The following OSBPL8 variants were observed in gnomAD, a reference collection of about 807,000 sequenced individuals.
OSBPL8 encodes oxysterol-binding protein-related protein 8.
OSBPL8 carries 59 observed loss-of-function variants against 125.5 expected under a neutral mutation model. The observed-to-expected ratio is 0.47, with a 90% confidence interval of 0.38 to 0.58. OSBPL8 has a LOEUF of 0.58. Among genes scored for constraint, OSBPL8 ranks in the 20% least tolerant of loss-of-function variants. The pLI is 0.00. For synonymous variants in OSBPL8, 330 were observed against 338.9 expected (o/e 0.97, Z 0.29); for missense variants, 758 against 1,047.8 (o/e 0.72, Z 3.82).
Position 76,446,600 on chromosome 12 carries a change from A to G in OSBPL8, c.217+4251T>C, listed in dbSNP as rs182950142. ...AAAGAAGTTCTAAATGAGCCTCTAA[A>G]AGATACTGAAGTATAGCAAAGCCTA... On this transcript the variant is annotated intron_variant, in intron 4 of 23. Transcript: ENST00000261183. 3.1e-3 allele frequency among the ~76,000 whole-genome samples: 474 copies of G among 152,322 alleles called. 2 individuals carry two copies. Among genetic ancestry groups the G allele is most frequent in the Middle Eastern group, 0.017 (5 of 294 alleles).
At chr12:76,471,662 C>T (rs1394894220) in intron 2 of OSBPL8, among the ~76,000 whole-genome samples, 1 of 152,182 alleles carries the variant, frequency 6.6e-6, no homozygotes, top group Non-Finnish European at 1.5e-5. Context: ...CTCCCACAGC[C>T]TACCAAAATT....
In OSBPL8 at chr12:76,527,484, G is replaced by C. The variant is rs141659511; in HGVS notation, c.-68+31913C>G. 5.4e-3 allele frequency among the ~76,000 whole-genome samples: 823 copies of C among 152,284 alleles called. 5 individuals carry two copies. The highest frequency in any genetic ancestry group is 0.02 in the Middle Eastern group (6 of 294). On this transcript the variant is annotated intron_variant, in intron 1 of 23. Coordinates refer to ENST00000261183, the MANE Select transcript of OSBPL8 (RefSeq NM_020841.5). ...TATATCTCCAATCTTTTGATGGAAAGCCTTATCATCGAGTATAAATCTGTC... is the reference window on the plus strand; with the variant it reads ...TATATCTCCAATCTTTTGATGGAAACCCTTATCATCGAGTATAAATCTGTC...
intron 12 of OSBPL8, among the ~76,000 whole-genome samples, chr12:76,387,010 T>C (rs1953342193): frequency 6.6e-6 from 1 of 152,146 alleles, no homozygotes; most frequent in African/African-American, 2.4e-5. Context: ...TAAACATGGA[T>C]TTTGGATTCA....
chr12:76,361,770 T>C (rs1353832989), intron 21 of OSBPL8, among the ~76,000 whole-genome samples: 1 of 152,164 alleles, frequency 6.6e-6, no homozygotes, highest in East Asian at 1.9e-4. Flanking sequence ...ATGAGACTTA[T>C]TCACTACCAT....
At chr12:76,408,999 T>TAAA (rs201077823) in intron 5 of OSBPL8, among the ~76,000 whole-genome samples, 1 of 148,608 alleles carries the variant, frequency 6.7e-6, no homozygotes, top group African/African-American at 2.5e-5. Context: ...ATCTTTTTTT[T>TAAA]AAAAAAAAAA....
chr12:76,415,311 G>A (rs1254313090), intron 4 of OSBPL8, among the ~76,000 whole-genome samples: 2 of 150,206 alleles, frequency 1.3e-5, no homozygotes, highest in South Asian at 2.1e-4. Context: ...GCAGTGGCAC[G>A]ATCTCGGCTC....
chr12:76,392,995 T>C (rs1292795842), intron 9 of OSBPL8, among the ~76,000 whole-genome samples: 4 of 152,198 alleles, frequency 2.6e-5, no homozygotes, highest in Non-Finnish European at 5.9e-5. Flanking sequence ...CAATCTAAAA[T>C]AAACATACTT....
chr12:76,405,071 G>C (rs1954200875), intron 5 of OSBPL8, among the ~76,000 whole-genome samples: 1 of 152,114 alleles, frequency 6.6e-6, no homozygotes, highest in Non-Finnish European at 1.5e-5. Context: ...CTAATTCCCA[G>C]CTTCATGTTC....
At chr12:76,367,617 A>G (rs936171895) in intron 21 of OSBPL8, among the ~76,000 whole-genome samples, 6 of 152,132 alleles carry the variant, frequency 3.9e-5, no homozygotes, top group African/African-American at 1.4e-4. Flanking sequence ...TACGTCATAT[A>G]CGTTTTTTGT....
At chr12:76,358,218 C>T in intron 22 of OSBPL8, among the ~76,000 whole-genome samples, 1 of 116,258 alleles carries the variant, frequency 8.6e-6, no homozygotes, top group African/African-American at 3.2e-5. Flanking sequence ...CTCACTTTGT[C>T]ACCCAGGCTG....
chr12:76,380,766 G>C (rs1303606718), intron 15 of OSBPL8, among the ~76,000 whole-genome samples: 1 of 151,980 alleles, frequency 6.6e-6, no homozygotes, highest in African/African-American at 2.4e-5. Flanking sequence ...CATTGGCTAG[G>C]ACCTCTAATA....
chr12:76,500,562 A>G (rs1879797785), intron 1 of OSBPL8, among the ~76,000 whole-genome samples: 1 of 152,124 alleles, frequency 6.6e-6, no homozygotes, highest in African/African-American at 2.4e-5. Flanking sequence ...TCCCTATAAG[A>G]TTATATTTTT....
chr12:76,499,347 T>TATCA (rs778001095), intron 1 of OSBPL8, among the ~76,000 whole-genome samples: 1 of 107,700 alleles, frequency 9.3e-6, no homozygotes, highest in Non-Finnish European at 2.1e-5. Flanking sequence ...TCTATCTATC[T>TATCA]ATCATCTATC....
intron 17 of OSBPL8, among the ~76,000 whole-genome samples, chr12:76,374,017 T>C (rs1489260892): frequency 6.6e-6 from 1 of 152,184 alleles, no homozygotes; most frequent in Admixed American, 6.6e-5. Context: ...TCATTCATCA[T>C]GATCTTCAAA....
intron 1 of OSBPL8, among the ~76,000 whole-genome samples, chr12:76,535,760 A>C (rs1476505785): frequency 6.6e-6 from 1 of 152,244 alleles, no homozygotes; most frequent in Non-Finnish European, 1.5e-5. Flanking sequence ...ATGCAGGGCA[A>C]AATAAACCAG....
At chr12:76,453,265 A>G (rs908747615) in intron 3 of OSBPL8, among the ~76,000 whole-genome samples, 2 of 152,184 alleles carry the variant, frequency 1.3e-5, no homozygotes, top group African/African-American at 2.4e-5. Flanking sequence ...TTTATGTTGA[A>G]TGAGTCAATA....
In OSBPL8 at chr12:76,371,515, T is replaced by A; in HGVS notation, c.1987A>T (p.Ile663Phe). ...SEVFWNPTPDIKQWRLIRHTV... is the reference protein window; with the variant it reads ...SEVFWNPTPDFKQWRLIRHTV... ...TGCCTTATTAATCTCCATTGCTTAA[T>A]GTCAGGTGTTGGATTCCAGAAAACC... is the stretch of plus-strand genomic sequence containing the variant. Residue 663 changes from isoleucine to phenylalanine, a missense_variant, in exon 19 of 24, where the codon ATT becomes TTT. Physicochemically the swap from Ile to Phe is conservative, Grantham distance 21 (BLOSUM62 0). Transcript: ENST00000261183. 4 of 1,611,588 alleles carry A rather than the reference T, an allele frequency of 2.5e-6. No homozygotes were observed. The highest frequency in any genetic ancestry group is 3.4e-6 in the Non-Finnish European group (4 of 1,178,774).
chr12:76,371,766 T>A, intron 18 of OSBPL8, 182 bp from the exon 19 acceptor site: 1 of 499,244 alleles, frequency 2.0e-6, no homozygotes, highest in South Asian at 6.6e-5. Flanking sequence ...ATAAAAACAT[T>A]AAGATTGACT....
At chr12:76,512,749 G>A (rs1218902042) in intron 1 of OSBPL8, among the ~76,000 whole-genome samples, 1 of 152,204 alleles carries the variant, frequency 6.6e-6, no homozygotes, top group Admixed American at 6.5e-5. Context: ...GATAGCAACA[G>A]CAATGAATCT....
Sources: allele counts gnomAD v4.1 joint callset (sites outside exome capture counted in the v4.1 genomes callset), GRCh38; gene constraint gnomAD v4.1.1; transcripts MANE v1.5; gene names NCBI Gene and HGNC (gene_info 2026-07-23, HGNC 2026-07-21).